Variants in CDK14 observed in about 807,000 individuals in gnomAD.
CDK14 encodes the protein cyclin dependent kinase 14.
CDK14 carries 34 observed loss-of-function variants against 60.7 expected under a neutral mutation model. The ratio of observed to expected loss-of-function variants is 0.56; its 90% CI spans 0.43 to 0.75. The LOEUF is 0.75. CDK14 is among the 30% of genes least tolerant of loss of function. The probability of loss-of-function intolerance (pLI) is 0.00; values close to 1 mark genes in which losing one functional copy is unlikely to be tolerated. For synonymous variants in CDK14, 197 were observed against 203.7 expected, an observed-to-expected ratio of 0.97 and a Z score of 0.28; for missense variants, 482 against 564.1, an observed-to-expected ratio of 0.85 and a Z score of 1.47.
intron 11 of CDK14, among the ~76,000 whole-genome samples, chr7:91,046,620 G>A (rs1156828001): frequency 6.6e-6 from 1 of 151,954 alleles, no homozygotes; most frequent in African/African-American, 2.4e-5. Flanking sequence ...AGAAGGGAAA[G>A]GTTTGGAATT....
intron 2 of CDK14, among the ~76,000 whole-genome samples, chr7:90,703,321 C>G (rs977596648): frequency 6.6e-6 from 1 of 152,086 alleles, no homozygotes; most frequent in East Asian, 1.9e-4. Context: ...TGGATGTGGT[C>G]ATAATAAAAT....
At chr7:91,183,207 G>A (rs1802060092) in intron 14 of CDK14, among the ~76,000 whole-genome samples, 1 of 152,180 alleles carries the variant, frequency 6.6e-6, no homozygotes, top group African/African-American at 2.4e-5. Context: ...CTGGGGTGGT[G>A]CACAGTGGGA....
chr7:90,901,017 A>G (rs1792488703), intron 7 of CDK14, among the ~76,000 whole-genome samples: 1 of 151,966 alleles, frequency 6.6e-6, no homozygotes, highest in African/African-American at 2.4e-5. Context: ...ATTACATTTT[A>G]TTTTCCCTTA....
At chr7:90,629,388 C>G (rs1340262498) in intron 2 of CDK14, among the ~76,000 whole-genome samples, 1 of 152,150 alleles carries the variant, frequency 6.6e-6, no homozygotes, top group Non-Finnish European at 1.5e-5. Flanking sequence ...TAAGCTCTTG[C>G]TCTGTATTTT....
At chr7:91,203,318 T>C (rs1189048313) in intron 14 of CDK14, among the ~76,000 whole-genome samples, 1 of 152,194 alleles carries the variant, frequency 6.6e-6, no homozygotes, top group Non-Finnish European at 1.5e-5. Flanking sequence ...AGTCTTCTGA[T>C]TCTACAATTT....
intron 4 of CDK14, among the ~76,000 whole-genome samples, chr7:90,778,735 C>T (rs1805160133): frequency 6.6e-6 from 1 of 152,062 alleles, no homozygotes. Context: ...CACATTCTCA[C>T]CCTCTGAGCT....
intron 12 of CDK14, among the ~76,000 whole-genome samples, chr7:91,107,086 C>T (rs1460737953): frequency 6.6e-6 from 1 of 152,206 alleles, no homozygotes; most frequent in Non-Finnish European, 1.5e-5. Flanking sequence ...TCTGTTGCCT[C>T]ATTACTGAAT....
intron 5 of CDK14, among the ~76,000 whole-genome samples, chr7:90,815,738 TA>T (rs1789323762): frequency 6.6e-6 from 1 of 152,154 alleles, no homozygotes; most frequent in South Asian, 2.1e-4. Flanking sequence ...TATGCAGCCA[TA>T]AAAAAGAATG....
intron 6 of CDK14, among the ~76,000 whole-genome samples, chr7:90,890,333 A>C (rs572761637): frequency 3.3e-5 from 5 of 152,300 alleles, no homozygotes; most frequent in South Asian, 4.1e-4. Flanking sequence ...TGATCACACC[A>C]CTACACTCCA....
At chr7:90,979,596 A>C (rs936770933) in intron 9 of CDK14, 19 of 152,368 alleles carry the variant, frequency 1.2e-4, no homozygotes, top group Middle Eastern at 3.4e-3. Flanking sequence ...AATTAACAAC[A>C]GTCCTAAAAG....
At chr7:91,148,113 G>T (rs188225458) in intron 14 of CDK14, among the ~76,000 whole-genome samples, 49 of 152,224 alleles carry the variant, frequency 3.2e-4, no homozygotes, top group Middle Eastern at 3.4e-3. Flanking sequence ...GGTGATTCAC[G>T]CCTGTAATCT....
intron 8 of CDK14, among the ~76,000 whole-genome samples, chr7:90,946,256 C>T (rs1259989729): frequency 6.6e-6 from 1 of 152,012 alleles, no homozygotes; most frequent in Non-Finnish European, 1.5e-5. Context: ...TGAAAATATT[C>T]CCTAAATGCT....
chr7:90,774,135 C>G (rs1804918193), intron 4 of CDK14, among the ~76,000 whole-genome samples: 1 of 152,032 alleles, frequency 6.6e-6, no homozygotes, highest in Admixed American at 6.6e-5. Context: ...AACTCCTGAC[C>G]TCAAGTGATC....
At chr7:90,841,595 C>G (rs565629404) in intron 5 of CDK14, among the ~76,000 whole-genome samples, 1 of 151,210 alleles carries the variant, frequency 6.6e-6, no homozygotes, top group Non-Finnish European at 1.5e-5. Context: ...GCAGCACTTA[C>G]CTACAGCAGC....
intron 14 of CDK14, among the ~76,000 whole-genome samples, chr7:91,187,080 C>A (rs1035236138): frequency 6.6e-6 from 1 of 152,324 alleles, no homozygotes; most frequent in East Asian, 1.9e-4. Context: ...CATCACATTT[C>A]TTTTAAAATA....
At chr7:90,837,764 G>A (rs549802069) in intron 5 of CDK14, among the ~76,000 whole-genome samples, 1 of 152,068 alleles carries the variant, frequency 6.6e-6, no homozygotes, top group African/African-American at 2.4e-5. Context: ...GGGGAAGGTG[G>A]GCAGACAGAT....
chr7:90,598,421 C>A (rs893152287), intron 1 of CDK14, among the ~76,000 whole-genome samples: 8 of 152,164 alleles, frequency 5.3e-5, no homozygotes, highest in Admixed American at 5.2e-4. Context: ...GTTAAAATGT[C>A]TTCTAAGAGC....
intron 10 of CDK14, among the ~76,000 whole-genome samples, chr7:91,030,641 ACCTG>A (rs1486408455): frequency 1.3e-5 from 2 of 152,206 alleles, no homozygotes; most frequent in African/African-American, 2.4e-5. Flanking sequence ...CAAGCCTGTC[ACCTG>A]GTAGAGGCAC....
intron 5 of CDK14, among the ~76,000 whole-genome samples, chr7:90,808,504 G>T (rs926799130): frequency 1.3e-5 from 2 of 152,152 alleles, no homozygotes; most frequent in African/African-American, 4.8e-5. Flanking sequence ...AACAGCCACT[G>T]CAAAAACATG....
Sources: allele counts gnomAD v4.1 joint callset (sites outside exome capture counted in the v4.1 genomes callset), GRCh38; gene constraint gnomAD v4.1.1; transcripts MANE v1.5; gene names NCBI Gene and HGNC (gene_info 2026-07-23, HGNC 2026-07-21).